MED27: variants seen among roughly 807,000 people sequenced by gnomAD.
MED27 encodes mediator of RNA polymerase II transcription subunit 27.
A neutral mutation model predicts 38.2 loss-of-function variants in MED27; 30 were observed. The observed-to-expected ratio is 0.79, with a 90% CI of 0.59 to 1.07. The LOEUF (loss-of-function observed/expected upper bound fraction) is 1.07. Ranked by LOEUF, MED27 falls within the 50% of genes least tolerant of loss-of-function variation. The pLI is 0.00. For missense variants in MED27, 289 were observed against 397.5 expected (o/e 0.73, Z 2.32); for synonymous variants, 122 against 153.5 (o/e 0.79, Z 1.52).
In MED27 at chr9:131,976,140, A is replaced by C. The variant is rs1458804383; in HGVS notation, c.480-36666T>G. Among the ~76,000 whole-genome samples, 5 of 152,180 alleles carry C rather than the reference A, an allele frequency of 3.3e-5. No individual in the cohort carries two copies. In the South Asian group the frequency reaches 8.3e-4, roughly 25 times the overall value. On this transcript the variant is annotated intron_variant, in intron 3 of 7. Coordinates refer to ENST00000292035, the MANE Select transcript of MED27 (RefSeq NM_004269.4). ...AAAGAGAAGGTTGTGTGTGGACCAG[A>C]GCTGTATCATACAGAGGAGTTCAAA...
At position 131,960,545 on chromosome 9, in the gene MED27, T is replaced by C. The variant is rs938852219; in HGVS notation, c.480-21071A>G. ...TGACAGAGACTGTAGTGAATCACAC[T>C]GTGAATGAGTCAACAATGCAACAGC... On this transcript the variant is annotated intron_variant, in intron 3 of 7. Coordinates refer to ENST00000292035, the MANE Select transcript of MED27 (RefSeq NM_004269.4). 3.9e-5 allele frequency among the ~76,000 whole-genome samples: 6 copies of C among 152,200 alleles called. 1 individual carries two copies. Among genetic ancestry groups the C allele is most frequent in the Non-Finnish European group, 7.4e-5 (5 of 68,024 alleles).
rs1226239624 is a variant in MED27 at position 131,920,377 on chromosome 9, G to T, written c.573+19004C>A. Among the ~76,000 whole-genome samples, 5 of 152,166 alleles carry T rather than the reference G, an allele frequency of 3.3e-5. No individual in the cohort carries two copies. The South Asian group carries it at 6.2e-4, about 19-fold the overall frequency. On this transcript the variant is annotated intron_variant, in intron 4 of 7. Transcript: ENST00000292035. ...TAATTGCTCATCTCAGTATTTGAAA[G>T]AAGACATTTAATTTTCATCTCTTTA...
At chr9:132,036,634 C>T (rs1341905266) in intron 2 of MED27, among the ~76,000 whole-genome samples, 3 of 152,166 alleles carry the variant, frequency 2.0e-5, no homozygotes, top group Admixed American at 1.3e-4. Flanking sequence ...GTGATTTAAC[C>T]TCTCTTTATC....
At chr9:131,963,596 C>T (rs1001166259) in intron 3 of MED27, among the ~76,000 whole-genome samples, 7 of 152,158 alleles carry the variant, frequency 4.6e-5, no homozygotes, top group Admixed American at 3.3e-4. Context: ...GGTTTCAGAT[C>T]CTTCATGCCT....
chr9:131,930,032 C>CAGAGAGAGAGAGAGAGAG (rs112511169), intron 4 of MED27, among the ~76,000 whole-genome samples: 4 of 151,088 alleles, frequency 2.6e-5, no homozygotes, highest in African/African-American at 9.7e-5. Context: ...TGGCTTAGCA[C>CAGAGAGAGAGAGAGAGAG]AGAGAGAGAG....
At chr9:132,043,057 C>T (rs1358236970) in intron 2 of MED27, among the ~76,000 whole-genome samples, 2 of 152,066 alleles carry the variant, frequency 1.3e-5, no homozygotes, top group Admixed American at 1.3e-4. Flanking sequence ...AAGAGCACTG[C>T]TTCCCCAAAA....
In MED27 at chr9:131,861,262, T is replaced by C. The variant is rs1464902981; in HGVS notation, c.802-590A>G. ...AGCAGCAAATCCACACTTGAATGGTTCAGAGTGCAGAGCTTTCTTGGGCGT... is the reference window on the plus strand; with the variant it reads ...AGCAGCAAATCCACACTTGAATGGTCCAGAGTGCAGAGCTTTCTTGGGCGT... On this transcript the variant is annotated intron_variant, in intron 7 of 7. Transcript: ENST00000292035. The surrounding 1 kb of genome is among the most constrained non-coding windows in gnomAD (Gnocchi z 4.4). 6.6e-6 allele frequency among the ~76,000 whole-genome samples: 1 copy of C among 152,114 alleles called. No homozygotes were observed. Among genetic ancestry groups the C allele is most frequent in the Non-Finnish European group, 1.5e-5 (1 of 68,026 alleles).
intron 2 of MED27, among the ~76,000 whole-genome samples, chr9:132,024,132 G>A (rs917736879): frequency 6.6e-6 from 1 of 152,126 alleles, no homozygotes; most frequent in Non-Finnish European, 1.5e-5. Context: ...CTCAACATGA[G>A]TGATTCTGGG....
chr9:131,947,989 T>C (rs1216698712), intron 3 of MED27, among the ~76,000 whole-genome samples: 2 of 152,120 alleles, frequency 1.3e-5, no homozygotes, highest in Non-Finnish European at 2.9e-5. Context: ...CCTTTGACAG[T>C]GGGTGGAAAC....
rs80018625 is a variant in MED27 at position 131,975,787 on chromosome 9, A to G, written c.480-36313T>C. ...AACTGGCTGCAAAGAACAGGAACCC[A>G]CTAAAACTAAGTTGAGTAAAAAAGG... On this transcript the variant is annotated intron_variant, in intron 3 of 7. Transcript: ENST00000292035. 1.4e-4 allele frequency among the ~76,000 whole-genome samples: 21 copies of G among 152,344 alleles called. No homozygotes were observed. In the East Asian group the frequency reaches 4.0e-3, roughly 29 times the overall value.
In MED27 at chr9:131,889,433, T is replaced by C. The variant is rs746394103; in HGVS notation, c.681+4452A>G. Reference sequence around the variant, plus strand: ...TCTGACTGGTATAAAATCAGGACAATGGCCAGGTATTCATCTTCAATCCTG... The same window carrying C: ...TCTGACTGGTATAAAATCAGGACAACGGCCAGGTATTCATCTTCAATCCTG... On this transcript the variant is annotated intron_variant, in intron 5 of 7. Transcript: ENST00000292035. The surrounding 1 kb of genome is among the most constrained non-coding windows in gnomAD (Gnocchi z 4.2). Among the ~76,000 whole-genome samples, 19 of 152,182 alleles carry C rather than the reference T, an allele frequency of 1.2e-4. No individual in the cohort carries two copies. Among genetic ancestry groups the C allele is most frequent in the South Asian group, 2.1e-4 (1 of 4,834 alleles).
intron 3 of MED27, among the ~76,000 whole-genome samples, chr9:131,988,792 G>C (rs770517697): frequency 3.3e-5 from 5 of 152,124 alleles, no homozygotes; most frequent in Middle Eastern, 3.2e-3. Flanking sequence ...GACTGTTTTT[G>C]TTATCAGAAA....
intron 3 of MED27, among the ~76,000 whole-genome samples, chr9:131,976,906 C>T (rs1278349432): frequency 6.6e-6 from 1 of 152,138 alleles, no homozygotes; most frequent in African/African-American, 2.4e-5. Context: ...AAGAGGCCTT[C>T]CCCCTTTCTG....
intron 3 of MED27, among the ~76,000 whole-genome samples, chr9:131,943,387 G>A (rs988684575): frequency 5.3e-5 from 8 of 152,146 alleles, no homozygotes; most frequent in African/African-American, 1.4e-4. Context: ...GGGAGGGGGT[G>A]TTGGTATGGG....
intron 2 of MED27, among the ~76,000 whole-genome samples, chr9:132,038,069 CTTT>C (rs918740186): frequency 6.8e-6 from 1 of 146,186 alleles, no homozygotes; most frequent in African/African-American, 2.5e-5. Flanking sequence ...TGCTATTCTA[CTTT>C]TTTTTTTTAA....
At chr9:131,955,101 C>T (rs946615424) in intron 3 of MED27, among the ~76,000 whole-genome samples, 1 of 151,976 alleles carries the variant, frequency 6.6e-6, no homozygotes, top group Non-Finnish European at 1.5e-5. Flanking sequence ...CTGACCACAA[C>T]TGAAGTGAAA....
rs61624043 is a variant in MED27, at chr9:131,881,800, C to CTTTTTTTTTTT, written c.723+2247_723+2257dup. ...CCTCCCTCCCTTCCTTCTTCTTCTT[C>CTTTTTTTTTTT]TTTTTTTTTTTTTTTTTTTTTTTTG... On this transcript the variant is annotated intron_variant, in intron 6 of 7. Transcript: ENST00000292035. Among the ~76,000 whole-genome samples the CTTTTTTTTTTT allele has an allele frequency of 8.3e-3, 507 of 60,942 alleles. 28 individuals carry two copies. The highest frequency in any genetic ancestry group is 0.011 in the Non-Finnish European group (357 of 33,114). 40.0% of individuals were successfully genotyped at this position (60,942 alleles called of 152,430 possible).
intron 2 of MED27, among the ~76,000 whole-genome samples, chr9:132,060,240 G>C (rs1467515421): frequency 6.6e-6 from 1 of 152,186 alleles, no homozygotes; most frequent in East Asian, 1.9e-4. Flanking sequence ...TGTTTTGGGG[G>C]AGGCAGTGAC....
At position 131,972,244 on chromosome 9, in the gene MED27, T is replaced by A. The variant is rs543776458; in HGVS notation, c.480-32770A>T. 4.6e-5 allele frequency among the ~76,000 whole-genome samples: 7 copies of A among 152,322 alleles called. No individual in the cohort carries two copies. The East Asian group carries it at 7.7e-4, about 17-fold the overall frequency. On this transcript the variant is annotated intron_variant, in intron 3 of 7. Transcript: ENST00000292035. ...TGGAAAGTGAGGTCAAATTTCATAT[T>A]CCAATTTACAGTTGGAGCAAGTCCC...
Sources: allele counts gnomAD v4.1 joint callset (sites outside exome capture counted in the v4.1 genomes callset), GRCh38; gene constraint gnomAD v4.1.1; non-coding constraint Gnocchi (gnomAD v3.1); transcripts MANE v1.5; gene names NCBI Gene and HGNC (gene_info 2026-07-23, HGNC 2026-07-21).